ARHGAP10: variants seen among roughly 807,000 people sequenced by gnomAD.
The protein encoded by ARHGAP10 is Rho GTPase activating protein 10, also known as rho GTPase-activating protein 10.
ARHGAP10 carries 87 observed loss-of-function variants against 108.6 expected under a neutral mutation model. The ratio of observed to expected loss-of-function variants is 0.80; its 90% CI spans 0.67 to 0.96. ARHGAP10 has a LOEUF of 0.96. ARHGAP10 is among the 40% of genes least tolerant of loss of function. The probability of loss-of-function intolerance (pLI) is 0.00; values close to 1 mark genes in which losing one functional copy is unlikely to be tolerated. For synonymous variants in ARHGAP10, 347 were observed against 341.1 expected (o/e 1.02, Z -0.19); for missense variants, 939 against 954.5 (o/e 0.98, Z 0.21).
intron 1 of ARHGAP10, among the ~76,000 whole-genome samples, chr4:147,800,400 G>A (rs936944044): frequency 2.0e-5 from 3 of 152,154 alleles, no homozygotes; most frequent in Non-Finnish European, 4.4e-5. Flanking sequence ...ACTTGTGGCT[G>A]GGGAGTCTTG....
intron 17 of ARHGAP10, 35 bp from the exon 18 acceptor site, chr4:147,966,645 G>A (rs950862083): frequency 1.1e-5 from 17 of 1,516,846 alleles, no homozygotes; most frequent in Non-Finnish European, 1.2e-5. Flanking sequence ...TTGCTCCTTT[G>A]GTTAAACAGA....
intron 13 of ARHGAP10, among the ~76,000 whole-genome samples, chr4:147,936,328 T>TC (rs1205987169): frequency 3.0e-5 from 4 of 135,572 alleles, no homozygotes; most frequent in African/African-American, 8.1e-5. Flanking sequence ...TTTTTTTTTT[T>TC]TTTTTTTTTT....
Position 147,732,457 on chromosome 4 carries a change from T to C in ARHGAP10, c.154+2T>C, listed in dbSNP as rs1349537852. ...AGAACCTCATCGCTGCGACGAAAAG[T>C]AAGCGGGGACGCGGGCGCGGACGGG... On this transcript the variant is annotated splice_donor_variant, in intron 1 of 22. Coordinates refer to ENST00000336498, the MANE Select transcript of ARHGAP10 (RefSeq NM_024605.4). LOFTEE classifies it high-confidence loss of function. 2 of 1,609,348 alleles carry C rather than the reference T, an allele frequency of 1.2e-6. No homozygotes were observed. The highest frequency in any genetic ancestry group is 1.7e-6 in the Non-Finnish European group (2 of 1,177,776).
At chr4:147,991,247 TTGTC>T (rs1309545015) in intron 18 of ARHGAP10, among the ~76,000 whole-genome samples, 1 of 152,032 alleles carries the variant, frequency 6.6e-6, no homozygotes, top group Non-Finnish European at 1.5e-5. Context: ...GGCCACGTCT[TTGTC>T]TGGAGATTTA....
At chr4:147,961,703 C>G (rs1377505824) in intron 16 of ARHGAP10, among the ~76,000 whole-genome samples, 1 of 152,056 alleles carries the variant, frequency 6.6e-6, no homozygotes, top group African/African-American at 2.4e-5. Context: ...TTAACCTCCT[C>G]ATTTTAGTAG....
intron 13 of ARHGAP10, among the ~76,000 whole-genome samples, chr4:147,930,984 G>T (rs1372470930): frequency 6.6e-6 from 1 of 152,200 alleles, no homozygotes; most frequent in Non-Finnish European, 1.5e-5. Context: ...TTCCATGCAG[G>T]TGTTTTCTGG....
At chr4:148,064,389 T>C in intron 21 of ARHGAP10, 27 bp from the exon 22 acceptor site, 7 of 1,602,906 alleles carry the variant, frequency 4.4e-6, no homozygotes, top group Non-Finnish European at 6.0e-6. Context: ...TTTTCATTGG[T>C]GTCTTTTGTA....
chr4:148,015,846 C>T (rs947255378), intron 18 of ARHGAP10, among the ~76,000 whole-genome samples: 7 of 152,168 alleles, frequency 4.6e-5, no homozygotes, highest in Admixed American at 1.3e-4. Flanking sequence ...TCTGTCCCTC[C>T]TTTCTATGTT....
chr4:147,765,645 C>G (rs559616936), intron 1 of ARHGAP10, among the ~76,000 whole-genome samples: 1 of 151,742 alleles, frequency 6.6e-6, no homozygotes, highest in Admixed American at 6.6e-5. Flanking sequence ...ACAAAAAATA[C>G]AAAAATTAGC....
intron 18 of ARHGAP10, among the ~76,000 whole-genome samples, chr4:147,972,295 G>T (rs1047257825): frequency 2.0e-5 from 3 of 152,152 alleles, no homozygotes; most frequent in African/African-American, 7.2e-5. Context: ...GTATGAGGAT[G>T]CTTCTTTGTG....
chr4:147,837,113 T>C (rs1046548513), intron 3 of ARHGAP10, among the ~76,000 whole-genome samples: 5 of 152,158 alleles, frequency 3.3e-5, no homozygotes, highest in Non-Finnish European at 7.4e-5. Context: ...GGGAACTTTA[T>C]TGGCCATCTT....
chr4:147,912,510 C>T (rs571891263), intron 12 of ARHGAP10, among the ~76,000 whole-genome samples: 6 of 147,560 alleles, frequency 4.1e-5, no homozygotes, highest in African/African-American at 1.5e-4. Context: ...GAGTAAGACT[C>T]CCTCTCAAAA....
intron 22 of ARHGAP10, among the ~76,000 whole-genome samples, chr4:148,066,059 A>G (rs1337518797): frequency 1.3e-5 from 2 of 151,930 alleles, no homozygotes; most frequent in African/African-American, 4.8e-5. Flanking sequence ...ATTTTAATTC[A>G]TAGTCTCAAA....
chr4:147,953,659 T>C (rs1738689924), intron 15 of ARHGAP10, among the ~76,000 whole-genome samples: 1 of 151,974 alleles, frequency 6.6e-6, no homozygotes, highest in Non-Finnish European at 1.5e-5. Flanking sequence ...TCCTAATCAT[T>C]CTGGCTGGAT....
chr4:147,829,114 T>G (rs1267133898), intron 3 of ARHGAP10, among the ~76,000 whole-genome samples: 2 of 151,356 alleles, frequency 1.3e-5, no homozygotes, highest in African/African-American at 2.4e-5. Flanking sequence ...TGCAGTGGTG[T>G]GATCTCAGCT....
chr4:148,040,578 G>A (rs778960216), intron 19 of ARHGAP10, among the ~76,000 whole-genome samples: 2 of 152,098 alleles, frequency 1.3e-5, no homozygotes, highest in Non-Finnish European at 2.9e-5. Flanking sequence ...CTGGCCTCAG[G>A]TGATCCACCT....
Position 148,063,135 on chromosome 4 carries a change from C to T in ARHGAP10, c.2028-13C>T. 3 of 1,613,996 alleles carry T rather than the reference C, an allele frequency of 1.9e-6. No homozygotes were observed. Among genetic ancestry groups the T allele is most frequent in the Admixed American group, 3.3e-5 (2 of 60,006 alleles). On this transcript the variant is annotated splice_polypyrimidine_tract_variant and intron_variant, in intron 20 of 22. Transcript: ENST00000336498. ...TCTGCTATTAATCCTGTCCTTCAAACTCCTACCCTTAGCCCAGGCCAGACC... is the reference window on the plus strand; with the variant it reads ...TCTGCTATTAATCCTGTCCTTCAAATTCCTACCCTTAGCCCAGGCCAGACC...
At chr4:148,028,887 C>A (rs377591925) in intron 19 of ARHGAP10, among the ~76,000 whole-genome samples, 1 of 152,158 alleles carries the variant, frequency 6.6e-6, no homozygotes, top group Non-Finnish European at 1.5e-5. Flanking sequence ...GGACATTATT[C>A]GCCACAGATT....
At chr4:147,889,192 A>G (rs1397328414) in intron 10 of ARHGAP10, among the ~76,000 whole-genome samples, 1 of 152,208 alleles carries the variant, frequency 6.6e-6, no homozygotes, top group African/African-American at 2.4e-5. Context: ...CTATACTGTG[A>G]GCTCTAGTGT....
Sources: gnomAD v4.1 joint callset for allele counts (sites outside exome capture counted in the v4.1 genomes callset) on GRCh38, gnomAD v4.1.1 for gene constraint, MANE v1.5 for transcripts, NCBI Gene and HGNC (gene_info 2026-07-23, HGNC 2026-07-21) for gene names.